BBS4: variants seen among roughly 807,000 people sequenced by gnomAD.
BBS4 encodes the protein Bardet-Biedl syndrome 4, also known as BBSome complex member BBS4.
A neutral mutation model predicts 71.4 loss-of-function variants in BBS4; 58 were observed. The ratio of observed to expected loss-of-function variants is 0.81; its 90% CI spans 0.66 to 1.01. The LOEUF (loss-of-function observed/expected upper bound fraction) is 1.01. BBS4 is among the 50% of genes least tolerant of loss of function. BBS4 has a pLI of 0.00. For synonymous variants in BBS4, 228 were observed against 216.8 expected (o/e 1.05, Z -0.46); for missense variants, 660 against 607.9 (o/e 1.09, Z -0.90).
chr15:72,725,986 C>T (rs1437329394), intron 8 of BBS4, among the ~76,000 whole-genome samples: 1 of 123,934 alleles, frequency 8.1e-6, no homozygotes, highest in Admixed American at 8.2e-5. Flanking sequence ...CTTTTCCCAT[C>T]TCCCTTCCCC....
At chr15:72,723,595 G>A (rs1356968812) in intron 7 of BBS4, among the ~76,000 whole-genome samples, 1 of 152,178 alleles carries the variant, frequency 6.6e-6, no homozygotes, top group African/African-American at 2.4e-5. Context: ...ACAATGTTTA[G>A]TTTGTGTCAA....
intron 3 of BBS4, 27 bp downstream of exon 3, chr15:72,709,806 T>G (rs1274692780): frequency 6.3e-7 from 1 of 1,589,316 alleles, no homozygotes; most frequent in Non-Finnish European, 8.6e-7. Context: ...ATAATAAAAA[T>G]GAGAGGCAGG....
At chr15:72,687,375 G>A (rs916954666) in intron 1 of BBS4, among the ~76,000 whole-genome samples, 1 of 152,036 alleles carries the variant, frequency 6.6e-6, no homozygotes, top group South Asian at 2.1e-4. Flanking sequence ...AGGCCGAGAC[G>A]GGTGGATCAC....
Position 72,735,125 on chromosome 15 carries a change from A to G in BBS4, c.1049A>G (p.Asn350Ser), listed in dbSNP as rs150395094. Reference protein sequence around the residue: ...LYMLLAVALTNLEDIENAKRA... With the variant: ...LYMLLAVALTSLEDIENAKRA... ...TTCTTTGTTGCAGTGGCTCTGACCA[A>G]TCTGGAAGATATAGAAAATGCCAAG... is the stretch of plus-strand genomic sequence containing the variant. The change falls in exon 13 of 16, where the codon AAT (asparagine) becomes AGT (serine). Residue 350 changes from asparagine (N) to serine (S), a missense_variant. Coordinates refer to ENST00000268057, the MANE Select transcript of BBS4 (RefSeq NM_033028.5). 254 of 1,613,702 alleles carry G rather than the reference A, an allele frequency of 1.6e-4. 1 individual carries two copies. In the African/African-American group the frequency reaches 2.8e-3, roughly 18 times the overall value.
intron 2 of BBS4, among the ~76,000 whole-genome samples, chr15:72,701,321 A>G (rs1389698273): frequency 1.3e-5 from 2 of 152,078 alleles, no homozygotes; most frequent in African/African-American, 2.4e-5. Flanking sequence ...CTTCCTTGTT[A>G]TATATATTCC....
At chr15:72,692,794 C>T (rs572632955) in intron 1 of BBS4, among the ~76,000 whole-genome samples, 2 of 151,878 alleles carry the variant, frequency 1.3e-5, no homozygotes, top group South Asian at 2.1e-4. Flanking sequence ...GGCAGAGTCT[C>T]GCTGTTTTGC....
In BBS4 at chr15:72,738,201, G is replaced by A. The variant is rs1453343525; in HGVS notation, c.*614G>A. The A allele has an allele frequency of 2.2e-6, 1 of 451,602 alleles. No individual in the cohort carries two copies. The highest frequency in any genetic ancestry group is 4.4e-6 in the Non-Finnish European group (1 of 225,992). 28.0% of individuals were successfully genotyped at this position (451,602 alleles called of 1,614,324 possible). A position where few individuals can be genotyped will look rare whatever the true frequency, so the allele number is the denominator to read the frequency against. ...AAGTCCCTCCCTGTATTTTGTTCTT[G>A]AGAGGGGTCAGTCTAGAAGCTAGAT... On this transcript the variant is annotated 3_prime_UTR_variant, in exon 16 of 16. Transcript: ENST00000268057.
chr15:72,735,308 C>T lies in BBS4; in HGVS notation c.1106+126C>T, dbSNP rs1473022815. 9.4e-6 allele frequency: 7 copies of T among 743,530 alleles called. No individual in the cohort carries two copies. The East Asian group carries it at 1.9e-4, about 20-fold the overall frequency. The allele number at this position is 743,530 out of a possible 1,614,324, so 46.1% of individuals were successfully genotyped here. A position where few individuals can be genotyped will look rare whatever the true frequency, so the allele number is the denominator to read the frequency against. ...GTTCCTCTATGGCATTAGTACATAG[C>T]AGACCTCAGTGTGGAGGGATGTGTC... is the stretch of plus-strand genomic sequence containing the variant. On this transcript the variant is annotated intron_variant, in intron 13 of 15. Coordinates refer to ENST00000268057, the MANE Select transcript of BBS4 (RefSeq NM_033028.5).
intron 8 of BBS4, among the ~76,000 whole-genome samples, chr15:72,726,615 C>T (rs1292690695): frequency 6.6e-6 from 1 of 152,170 alleles, no homozygotes; most frequent in East Asian, 1.9e-4. Context: ...TCAGTCACAG[C>T]ACTGCTTTCT....
intron 2 of BBS4, among the ~76,000 whole-genome samples, chr15:72,702,903 G>A (rs968946932): frequency 1.4e-4 from 20 of 140,006 alleles, no homozygotes; most frequent in Admixed American, 9.6e-4. Context: ...CGCCTTCCGG[G>A]TTCACGCCAT....
At chr15:72,735,333 C>T in intron 13 of BBS4, 151 bp downstream of exon 13, 2 of 690,042 alleles carry the variant, frequency 2.9e-6, no homozygotes, top group South Asian at 3.0e-5. Flanking sequence ...AGGGATGTGT[C>T]TCCTAAGTAT....
chr15:72,691,830 C>T (rs28502551), intron 1 of BBS4, among the ~76,000 whole-genome samples: 17,862 of 152,070 alleles, frequency 0.12, 1,675 homozygotes, highest in East Asian at 0.46. Flanking sequence ...GGATGCGGTG[C>T]TGCGCGCCTG....
rs1567437246 is a variant in BBS4 at position 72,738,111 on chromosome 15, C to G, written c.*524C>G. On this transcript the variant is annotated 3_prime_UTR_variant, in exon 16 of 16. Coordinates refer to ENST00000268057, the MANE Select transcript of BBS4 (RefSeq NM_033028.5). The stretch of plus-strand genomic sequence containing the variant: ...ACATTTAAAAGAAAAAAAACAAAAG[C>G]CCTGGAAGTTGAGGCCAAGCCTGCT... 27 of 452,832 alleles carry G rather than the reference C, an allele frequency of 6.0e-5. 1 individual carries two copies. Among genetic ancestry groups the G allele is most frequent in the Non-Finnish European group, 8.8e-5 (20 of 226,534 alleles). 28.1% of individuals were successfully genotyped at this position (452,832 alleles called of 1,614,324 possible).
chr15:72,731,948 A>G (rs1400150672), intron 12 of BBS4, among the ~76,000 whole-genome samples: 1 of 152,206 alleles, frequency 6.6e-6, no homozygotes, highest in Non-Finnish European at 1.5e-5. Flanking sequence ...AACAGGTTAA[A>G]TAAAGATCAT....
At chr15:72,686,321 A>T (rs2064834434) in intron 1 of BBS4, 70 bp downstream of exon 1, 3 of 1,548,266 alleles carry the variant, frequency 1.9e-6, no homozygotes, top group Non-Finnish European at 1.7e-6. Flanking sequence ...CTTTTGTCCC[A>T]TGCAGCGGTT....
chr15:72,694,655 A>G (rs1283990019), intron 1 of BBS4, among the ~76,000 whole-genome samples: 1 of 152,084 alleles, frequency 6.6e-6, no homozygotes, highest in East Asian at 1.9e-4. Flanking sequence ...TTGAGCCATT[A>G]TTTTTGCTTA....
intron 2 of BBS4, among the ~76,000 whole-genome samples, chr15:72,696,568 C>T (rs577011375): frequency 5.3e-5 from 8 of 152,176 alleles, no homozygotes; most frequent in South Asian, 2.1e-4. Context: ...CTAGTTTTGC[C>T]TTTCTTGGAA....
rs58123834 is a variant in BBS4 at position 72,714,220 on chromosome 15, C to CTTTTT, written c.221-1052_221-1048dup. ...ACCAAAGATAAGGACCACTCACTTA[C>CTTTTT]TTTTTTTTTTTTTTTTTTTTTTTGA... On this transcript the variant is annotated intron_variant, in intron 4 of 15. Coordinates refer to ENST00000268057, the MANE Select transcript of BBS4 (RefSeq NM_033028.5). Among the ~76,000 whole-genome samples, 73 of 98,436 alleles carry CTTTTT rather than the reference C, an allele frequency of 7.4e-4. 1 individual carries two copies. Among genetic ancestry groups the CTTTTT allele is most frequent in the East Asian group, 1.2e-3 (4 of 3,240 alleles). The allele number at this position is 98,436 out of a possible 152,430, so 64.6% of individuals were successfully genotyped here.
intron 14 of BBS4, among the ~76,000 whole-genome samples, chr15:72,736,298 A>G (rs927341708): frequency 2.1e-5 from 3 of 144,332 alleles, no homozygotes; most frequent in Admixed American, 7.3e-5. Flanking sequence ...CTGGAGTGCA[A>G]TGGCGCAATC....
Sources: allele counts gnomAD v4.1 joint callset (sites outside exome capture counted in the v4.1 genomes callset), GRCh38; gene constraint gnomAD v4.1.1; transcripts MANE v1.5; gene names NCBI Gene and HGNC (gene_info 2026-07-23, HGNC 2026-07-21).